The following SRSF1 variants were observed in gnomAD, a reference collection of about 807,000 sequenced individuals.
SRSF1 encodes the protein serine/arginine-rich splicing factor 1.
A neutral mutation model predicts 25.9 loss-of-function variants in SRSF1; 1 was observed. The observed-to-expected ratio is 0.04, with a 90% confidence interval of 0.01 to 0.18. The LOEUF (loss-of-function observed/expected upper bound fraction) is 0.18. Among genes scored for constraint, SRSF1 ranks in the 10% least tolerant of loss-of-function variants. The probability of loss-of-function intolerance (pLI) is 1.00; values close to 1 mark genes in which losing one functional copy is unlikely to be tolerated. For missense variants in SRSF1, 65 were observed against 350.5 expected, an observed-to-expected ratio of 0.19 and a Z score of 6.50; for synonymous variants, 132 against 126.2, an observed-to-expected ratio of 1.05 and a Z score of -0.31.
rs1178305225 is a variant in SRSF1 at position 58,003,629 on chromosome 17, CCT to C, written c.*1775_*1776del. On this transcript the variant is annotated 3_prime_UTR_variant, in exon 4 of 4. Coordinates refer to ENST00000258962, the MANE Select transcript of SRSF1 (RefSeq NM_006924.5). ...GATTTACTATTTTAAACAAACCCCCCCTTTCCCCTTTAAATGTTTACCATCTA... is the reference window on the plus strand; with the variant it reads ...GATTTACTATTTTAAACAAACCCCCCTTCCCCTTTAAATGTTTACCATCTA... The C allele has an allele frequency of 6.6e-6, 1 of 152,314 alleles. No individual in the cohort carries two copies. The highest frequency in any genetic ancestry group is 1.5e-5 in the Non-Finnish European group (1 of 68,040). The allele number at this position is 152,314 out of a possible 1,614,324, so 9.4% of individuals were successfully genotyped here. A position where few individuals can be genotyped will look rare whatever the true frequency, so the allele number is the denominator to read the frequency against.
chr17:58,006,970 G>C lies in SRSF1; in HGVS notation c.168C>G (p.Phe56Leu). The change falls in exon 1 of 4, where the codon TTC becomes TTG. Residue 56 changes from phenylalanine (F) to leucine (L), a missense_variant. Physicochemically the swap from Phe to Leu is conservative, Grantham distance 22 (BLOSUM62 0). This residue lies in a region of SRSF1 where 63 missense variants were observed against 284.8 expected (regional missense o/e 0.22). Transcript: ENST00000258962. ...GCGGGTCCTCGAACTCAACGAAGGCGAAGGGCGGTCCCCCGCGGCGATTCT... is the reference window on the plus strand; with the variant it reads ...GCGGGTCCTCGAACTCAACGAAGGCCAAGGGCGGTCCCCCGCGGCGATTCT... ...DLKNRRGGPP[F>L]AFVEFEDPRD... 1 of 1,614,274 alleles carries C rather than the reference G, an allele frequency of 6.2e-7. No homozygotes were observed. Among genetic ancestry groups the C allele is most frequent in the Non-Finnish European group, 8.5e-7 (1 of 1,180,054 alleles).
rs2075416490 is a variant in SRSF1, at chr17:58,004,839, T to A, written c.*567A>T. On this transcript the variant is annotated 3_prime_UTR_variant, in exon 4 of 4. Coordinates refer to ENST00000258962, the MANE Select transcript of SRSF1 (RefSeq NM_006924.5). ...GTTTGCAAGTGTTTTAAGGAAAATG[T>A]ATATAATCATTTTTAACCCCTGCCT... is the stretch of plus-strand genomic sequence containing the variant. 2.5e-6 allele frequency: 1 copy of A among 397,902 alleles called. No homozygotes were observed. The highest frequency in any genetic ancestry group is 4.4e-6 in the Non-Finnish European group (1 of 225,674). The allele number at this position is 397,902 out of a possible 1,614,324, so 24.6% of individuals were successfully genotyped here.
chr17:57,989,456 CCCCT>C, the SRSF1 span: 5 of 397,622 alleles, frequency 1.3e-5, no homozygotes, highest in South Asian at 1.4e-4. Flanking sequence ...TGAATCTTAT[CCCCT>C]CCATTTATCC....
downstream of SRSF1, among the ~76,000 whole-genome samples, chr17:57,998,704 G>C (rs1268129130): frequency 6.6e-6 from 1 of 152,164 alleles, no homozygotes; most frequent in Non-Finnish European, 1.5e-5. Flanking sequence ...ACTACCTTCT[G>C]TAGCTTTCCT....
the SRSF1 span, chr17:57,993,389 C>CAAAAAAAAAAAAAAAAAAA: frequency 8.1e-6 from 1 of 123,256 alleles, no homozygotes; most frequent in African/African-American, 3.2e-5. Context: ...GACTCCGTCT[C>CAAAAAAAAAAAAAAAAAAA]AAAAAAAAAA....
At chr17:58,006,781 C>G (rs1466588471) in intron 1 of SRSF1, 163 bp downstream of exon 1, 4 of 972,200 alleles carry the variant, frequency 4.1e-6, no homozygotes, top group Non-Finnish European at 6.0e-6. Flanking sequence ...GCCAGAGAAG[C>G]CACATCAACT....
At chr17:57,989,575 T>G in the SRSF1 span, 1 of 397,980 alleles carries the variant, frequency 2.5e-6, no homozygotes, top group Admixed American at 4.4e-5. Flanking sequence ...GGAGATATAG[T>G]AATTTGACAG....
In SRSF1 at chr17:58,007,221, G is replaced by A; in HGVS notation, c.-84C>T. Reference sequence around the variant, plus strand: ...CAGAGCGAGCCCGCAGCGGCACCACGTCTCCCGCGGCCCCTCCAAAATGGC... The same window carrying A: ...CAGAGCGAGCCCGCAGCGGCACCACATCTCCCGCGGCCCCTCCAAAATGGC... On this transcript the variant is annotated 5_prime_UTR_variant, in exon 1 of 4. In the 5' UTR this introduces an upstream ATG that the reference lacks. Coordinates refer to ENST00000258962, the MANE Select transcript of SRSF1 (RefSeq NM_006924.5). The A allele has an allele frequency of 1.3e-6, 2 of 1,514,142 alleles. No homozygotes were observed. The highest frequency in any genetic ancestry group is 9.0e-7 in the Non-Finnish European group (1 of 1,110,902). 93.8% of individuals were successfully genotyped at this position (1,514,142 alleles called of 1,614,324 possible).
chr17:57,990,884 T>C, the SRSF1 span: 3 of 152,182 alleles, frequency 2.0e-5, no homozygotes, highest in African/African-American at 7.2e-5. Flanking sequence ...CACCTAACCT[T>C]TTAGGGTCTC....
chr17:57,989,919 AACCTTTGTGTTCTTGCTCTG>A, the SRSF1 span: 1 of 395,648 alleles, frequency 2.5e-6, no homozygotes, highest in Non-Finnish European at 4.5e-6. Context: ...AGTAAACTAA[AACCTTTGTGTTCTTGCTCTG>A]ACCTTGGACA....
chr17:58,000,545 A>G (rs1443703864), downstream of SRSF1, among the ~76,000 whole-genome samples: 1 of 152,188 alleles, frequency 6.6e-6, no homozygotes, highest in African/African-American at 2.4e-5. Flanking sequence ...ATAATTGTTG[A>G]GTCCACTATT....
chr17:58,005,335 A>G lies in SRSF1; in HGVS notation c.*71T>C. Reference sequence around the variant, plus strand: ...TGAACAAAACAGTTTGAATTAAAAAATGAAAAGATTGTACTGAATAAAGGA... The same window carrying G: ...TGAACAAAACAGTTTGAATTAAAAAGTGAAAAGATTGTACTGAATAAAGGA... On this transcript the variant is annotated 3_prime_UTR_variant, in exon 4 of 4. Transcript: ENST00000258962. This position sits in a 1 kb window ranked among gnomAD's most constrained non-coding sequence, Gnocchi z 5.2. 4.6e-6 allele frequency: 7 copies of G among 1,534,770 alleles called. No individual in the cohort carries two copies. Among genetic ancestry groups the G allele is most frequent in the South Asian group, 1.2e-5 (1 of 84,412 alleles).
In SRSF1 at chr17:58,003,358, G is replaced by A. The variant is rs950993136; in HGVS notation, c.*2048C>T. 6.6e-5 allele frequency: 10 copies of A among 152,036 alleles called. No homozygotes were observed. Among genetic ancestry groups the A allele is most frequent in the African/African-American group, 2.2e-4 (9 of 41,382 alleles). The allele number at this position is 152,036 out of a possible 1,614,324, so 9.4% of individuals were successfully genotyped here. On this transcript the variant is annotated 3_prime_UTR_variant, in exon 4 of 4. Transcript: ENST00000258962. ...CAATAAAAGATGGCTAATACCATTA[G>A]ATTGCCTTTTAAGAACTTTTAATTT... is the stretch of plus-strand genomic sequence containing the variant.
chr17:57,990,474 G>C, the SRSF1 span: 2 of 152,092 alleles, frequency 1.3e-5, no homozygotes, highest in Non-Finnish European at 2.9e-5. Context: ...TCAGAAGTTT[G>C]AAACAAGTAC....
In SRSF1 at chr17:58,007,124, C is replaced by A. The variant is rs2075435481; in HGVS notation, c.14G>T (p.Gly5Val). The A allele has an allele frequency of 6.2e-7, 1 of 1,614,004 alleles. No homozygotes were observed. The highest frequency in any genetic ancestry group is 8.5e-7 in the Non-Finnish European group (1 of 1,180,038). Residue 5 changes from glycine to valine, a missense_variant, in exon 1 of 4, where the codon GGT becomes GTT. Physicochemically the swap from Gly to Val is moderately radical, Grantham distance 109. Around this residue, in one of 2 missense-constraint regions of SRSF1, gnomAD observed 2 missense variants for 65.7 expected, o/e 0.03. Transcript: ENST00000258962. ...GTTCCCTGCGGGGCCACGAATCACA[C>A]CACCTCCCGACATGGCGGTGACGAA... is the stretch of plus-strand genomic sequence containing the variant. MSGG[G>V]VIRGPAGNND...
At chr17:57,999,409 G>A (rs998176438), downstream of SRSF1, among the ~76,000 whole-genome samples, 9 of 152,146 alleles carry the variant, frequency 5.9e-5, no homozygotes, top group African/African-American at 2.2e-4. Flanking sequence ...GCAGACTTAT[G>A]TCTTCAGTAT....
chr17:58,004,778 G>A lies in SRSF1; in HGVS notation c.*628C>T. ...TGCCACAATTGCCAAGGTTTAAAAAGCAAAGCAATTGTAGCTAAAGACAAC... is the reference window on the plus strand; with the variant it reads ...TGCCACAATTGCCAAGGTTTAAAAAACAAAGCAATTGTAGCTAAAGACAAC... On this transcript the variant is annotated 3_prime_UTR_variant, in exon 4 of 4. Coordinates refer to ENST00000258962, the MANE Select transcript of SRSF1 (RefSeq NM_006924.5). The A allele has an allele frequency of 2.5e-6, 1 of 392,844 alleles. No homozygotes were observed. Among genetic ancestry groups the A allele is most frequent in the Non-Finnish European group, 4.5e-6 (1 of 222,716 alleles). 24.3% of individuals were successfully genotyped at this position (392,844 alleles called of 1,614,324 possible). A position where few individuals can be genotyped will look rare whatever the true frequency, so the allele number is the denominator to read the frequency against.
At chr17:58,006,552 G>C (rs756364563) in intron 1 of SRSF1, 25 bp from the exon 2 acceptor site, 10 of 1,596,290 alleles carry the variant, frequency 6.3e-6, no homozygotes, top group Non-Finnish European at 8.5e-6. Flanking sequence ...AAAGTAAAAG[G>C]GATGAGAAAC....
At position 58,007,225 on chromosome 17, in the gene SRSF1, C is replaced by T. The variant is rs1212937416; in HGVS notation, c.-88G>A. On this transcript the variant is annotated 5_prime_UTR_variant, in exon 1 of 4. Transcript: ENST00000258962. ...GCGAGCCCGCAGCGGCACCACGTCT[C>T]CCGCGGCCCCTCCAAAATGGCGCCT... The T allele has an allele frequency of 3.3e-6, 5 of 1,492,986 alleles. No individual in the cohort carries two copies. Among genetic ancestry groups the T allele is most frequent in the Non-Finnish European group, 4.6e-6 (5 of 1,095,350 alleles). The allele number at this position is 1,492,986 out of a possible 1,614,324, so 92.5% of individuals were successfully genotyped here.
Sources: gnomAD v4.1 joint callset for allele counts (sites outside exome capture counted in the v4.1 genomes callset) on GRCh38, gnomAD v4.1.1 for gene constraint, gnomAD v4.1.1 regional missense constraint, Gnocchi (gnomAD v3.1) non-coding constraint, MANE v1.5 for transcripts, NCBI Gene and HGNC (gene_info 2026-07-23, HGNC 2026-07-21) for gene names.